The following CYP39A1 variants were observed in gnomAD, a reference collection of about 807,000 sequenced individuals.
The protein encoded by CYP39A1 is 24-hydroxycholesterol 7-alpha-hydroxylase.
In CYP39A1, 49 loss-of-function variants were observed where a neutral mutation model predicts 58.1. The observed-to-expected ratio is 0.84, with a 90% CI of 0.67 to 1.07. The LOEUF is 1.07. Ranked by LOEUF, CYP39A1 falls within the 50% of genes least tolerant of loss-of-function variation. CYP39A1 has a pLI of 0.00. For synonymous variants in CYP39A1, 209 were observed against 187.6 expected (o/e 1.11, Z -0.93); for missense variants, 531 against 539.4 (o/e 0.98, Z 0.16).
intron 8 of CYP39A1, among the ~76,000 whole-genome samples, chr6:46,591,728 A>T (rs752098363): frequency 2.0e-5 from 3 of 152,088 alleles, no homozygotes; most frequent in Non-Finnish European, 4.4e-5. Context: ...TCTACTTAAG[A>T]AGTTTAAAAA....
intron 1 of CYP39A1, among the ~76,000 whole-genome samples, chr6:46,648,033 G>C (rs934479209): frequency 6.6e-6 from 1 of 152,156 alleles, no homozygotes; most frequent in African/African-American, 2.4e-5. Flanking sequence ...AGAGCATGTG[G>C]AGAAATAGGA....
At chr6:46,622,247 A>G (rs1220667001) in intron 7 of CYP39A1, among the ~76,000 whole-genome samples, 1 of 152,102 alleles carries the variant, frequency 6.6e-6, no homozygotes, top group East Asian at 1.9e-4. Flanking sequence ...GGGACTAGAC[A>G]GTGTTGATGG....
At chr6:46,586,505 A>T in intron 10 of CYP39A1, 2 of 985,054 alleles carry the variant, frequency 2.0e-6, no homozygotes, top group South Asian at 9.4e-5. Context: ...GCTTGAACAA[A>T]TAAAGATAAC....
intron 7 of CYP39A1, among the ~76,000 whole-genome samples, chr6:46,616,428 AT>A (rs1432326023): frequency 6.6e-6 from 1 of 151,282 alleles, no homozygotes; most frequent in Non-Finnish European, 1.5e-5. Flanking sequence ...CCAGCTAACA[AT>A]TTTTTTAAGA....
At position 46,652,463 on chromosome 6, in the gene CYP39A1, T is replaced by A. The variant is rs1762757948; in HGVS notation, c.120A>T (p.Gly40=). Residue 40 remains glycine (G), a synonymous_variant, in exon 1 of 12, where the codon GGA becomes GGT. Transcript: ENST00000275016. The part of the protein sequence containing the change: ...PCIKGWIPWI[G]VGFEFGKAPL... ...GGGCTTTCCCAAACTCAAATCCAAC[T>A]CCAATCCAAGGAATCCAGCCCTTGA... 1 of 1,613,854 alleles carries A rather than the reference T, an allele frequency of 6.2e-7. No homozygotes were observed. The highest frequency in any genetic ancestry group is 1.1e-5 in the South Asian group (1 of 90,992).
intron 10 of CYP39A1, among the ~76,000 whole-genome samples, chr6:46,577,493 A>T (rs1281734861): frequency 6.6e-6 from 1 of 152,174 alleles, no homozygotes; most frequent in Non-Finnish European, 1.5e-5. Context: ...CAAGCTGGAT[A>T]AAGAAACAAG....
rs1770532314 is a variant in CYP39A1 at position 46,553,807 on chromosome 6, T to C, written c.1298A>G (p.Tyr433Cys). Residue 433 changes from tyrosine (Y) to cysteine (C), a missense_variant, in exon 11 of 12, where the codon TAT (tyrosine) becomes TGT (cysteine). Transcript: ENST00000275016. ...GTCCAGAAGACTACAGTCATATTTATAAAGTATTAAAATAATACACATCTG... is the reference window on the plus strand; with the variant it reads ...GTCCAGAAGACTACAGTCATATTTACAAAGTATTAAAATAATACACATCTG... ...EVQMCIILIL[Y>C]KYDCSLLDPL... 2.5e-6 allele frequency: 4 copies of C among 1,611,322 alleles called. No individual in the cohort carries two copies. Among genetic ancestry groups the C allele is most frequent in the Non-Finnish European group, 1.7e-6 (2 of 1,178,458 alleles).
intron 7 of CYP39A1, among the ~76,000 whole-genome samples, chr6:46,623,968 T>C (rs1356298627): frequency 6.6e-6 from 1 of 150,858 alleles, no homozygotes; most frequent in Non-Finnish European, 1.5e-5. Flanking sequence ...GCAGTGGTAG[T>C]ACTATTCGAA....
At chr6:46,599,307 A>C (rs1773351512) in intron 7 of CYP39A1, among the ~76,000 whole-genome samples, 1 of 150,976 alleles carries the variant, frequency 6.6e-6, no homozygotes, top group African/African-American at 2.5e-5. Context: ...GGTGACAGTG[A>C]CCAGACGGGG....
chr6:46,597,119 C>A (rs1773215700), intron 7 of CYP39A1, among the ~76,000 whole-genome samples: 2 of 152,054 alleles, frequency 1.3e-5, no homozygotes, highest in Admixed American at 6.6e-5. Flanking sequence ...CCTGGGAAAC[C>A]TTTTCTGTCA....
chr6:46,585,127 C>T (rs1772391017), intron 10 of CYP39A1, among the ~76,000 whole-genome samples: 1 of 151,874 alleles, frequency 6.6e-6, no homozygotes, highest in East Asian at 1.9e-4. Flanking sequence ...CTTTCAAACT[C>T]AAAAAAATGT....
intron 7 of CYP39A1, among the ~76,000 whole-genome samples, chr6:46,600,486 T>G (rs1203555218): frequency 6.6e-6 from 1 of 152,042 alleles, no homozygotes; most frequent in Non-Finnish European, 1.5e-5. Context: ...AGGGGCTAGT[T>G]GTCAAAGGAA....
intron 7 of CYP39A1, among the ~76,000 whole-genome samples, chr6:46,600,552 A>T (rs1180688198): frequency 6.6e-6 from 1 of 152,020 alleles, no homozygotes; most frequent in Non-Finnish European, 1.5e-5. Context: ...GCCTCTGGGG[A>T]AGGGAGGTGG....
intron 1 of CYP39A1, among the ~76,000 whole-genome samples, chr6:46,645,347 G>C (rs547382992): frequency 6.6e-6 from 1 of 152,018 alleles, no homozygotes; most frequent in African/African-American, 2.4e-5. Context: ...TTCATGTTTT[G>C]TGTGTGTTGG....
At chr6:46,566,110 A>G (rs555417264) in intron 10 of CYP39A1, among the ~76,000 whole-genome samples, 13 of 152,286 alleles carry the variant, frequency 8.5e-5, no homozygotes, top group African/African-American at 2.9e-4. Context: ...TAGGAAGATT[A>G]TAAGTGGCTG....
chr6:46,630,970 G>A lies in CYP39A1; in HGVS notation c.833C>T (p.Ala278Val), dbSNP rs535899129. ...LLLLWASLSN[A>V]VPVAFWTLAY... ...CTTTACTAATATACTTACAGGAACA[G>A]CATTAGACAGAGAAGCCCAAAGCAG... Residue 278 changes from alanine (A) to valine (V), a missense_variant, in exon 6 of 12, where the codon GCT becomes GTT. Ala to Val is a moderately conservative substitution (Grantham distance 64, BLOSUM62 0). Transcript: ENST00000275016. The A allele has an allele frequency of 1.7e-5, 27 of 1,611,696 alleles. No individual in the cohort carries two copies. The African/African-American group carries it at 2.5e-4, about 15-fold the overall frequency.
chr6:46,592,608 T>C (rs952454054), intron 8 of CYP39A1, among the ~76,000 whole-genome samples: 9 of 152,212 alleles, frequency 5.9e-5, no homozygotes, highest in African/African-American at 2.2e-4. Context: ...TATATCCATA[T>C]ATTAGATGAC....
rs559929982 is a variant in CYP39A1 at position 46,583,588 on chromosome 6, C to A, written c.1250+3489G>T. The A allele has an allele frequency of 5.0e-5, 49 of 985,224 alleles. No individual in the cohort carries two copies. The African/African-American group carries it at 8.5e-4, about 17-fold the overall frequency. 61.0% of individuals were successfully genotyped at this position (985,224 alleles called of 1,614,324 possible). A position where few individuals can be genotyped will look rare whatever the true frequency, so the allele number is the denominator to read the frequency against. ...CTCTTTCCTGTTTGTTTTTCTGAAACAAAACAAAACAGAAATAAATCACCA... is the reference window on the plus strand; with the variant it reads ...CTCTTTCCTGTTTGTTTTTCTGAAAAAAAACAAAACAGAAATAAATCACCA... On this transcript the variant is annotated intron_variant, in intron 10 of 11. Transcript: ENST00000275016.
intron 1 of CYP39A1, among the ~76,000 whole-genome samples, chr6:46,651,760 A>G (rs1762709451): frequency 6.6e-6 from 1 of 152,226 alleles, no homozygotes; most frequent in Admixed American, 6.5e-5. Context: ...CAAATTTATT[A>G]GACAATCAAA....
Sources: gnomAD v4.1 joint callset for allele counts (sites outside exome capture counted in the v4.1 genomes callset) on GRCh38, gnomAD v4.1.1 for gene constraint, MANE v1.5 for transcripts, NCBI Gene and HGNC (gene_info 2026-07-23, HGNC 2026-07-21) for gene names.